Variants in KIAA1328 observed in about 807,000 individuals in gnomAD.
KIAA1328 encodes protein hinderin.
In KIAA1328, 52 loss-of-function variants were observed where a neutral mutation model predicts 68.1. The ratio of observed to expected loss-of-function variants is 0.76; its 90% confidence interval spans 0.61 to 0.96. The LOEUF is 0.96. Ranked by LOEUF, KIAA1328 falls within the 40% of genes least tolerant of loss-of-function variation. The pLI is 0.00. For synonymous variants in KIAA1328, 232 were observed against 239.4 expected (o/e 0.97, Z 0.28); for missense variants, 641 against 677.6 (o/e 0.95, Z 0.60).
At position 36,997,554 on chromosome 18, in the gene KIAA1328, G is replaced by A. The variant is rs564640349; in HGVS notation, c.576+38119G>A. Among the ~76,000 whole-genome samples the A allele has an allele frequency of 1.6e-4, 24 of 152,270 alleles. No homozygotes were observed. The South Asian group carries it at 3.1e-3, about 20-fold the overall frequency. On this transcript the variant is annotated intron_variant, in intron 6 of 9. Coordinates refer to ENST00000280020, the MANE Select transcript of KIAA1328 (RefSeq NM_020776.3). ...CATGGGTTGGGACTGCTTTAGGGAGGCAGCTTGCACTGGGTCCCACACCCT... is the reference window on the plus strand; with the variant it reads ...CATGGGTTGGGACTGCTTTAGGGAGACAGCTTGCACTGGGTCCCACACCCT...
At chr18:36,897,876 AGC>A (rs552299921) in intron 5 of KIAA1328, among the ~76,000 whole-genome samples, 17 of 152,236 alleles carry the variant, frequency 1.1e-4, no homozygotes, top group African/African-American at 4.1e-4. Context: ...TTGCTAAGGC[AGC>A]TTTTTCCCCC....
intron 1 of KIAA1328, chr18:36,834,102 C>A (rs1408484101): frequency 2.7e-6 from 2 of 732,786 alleles, no homozygotes; most frequent in Non-Finnish European, 3.8e-6. Context: ...TAAAGGTGAA[C>A]TTTTAGAGAA....
chr18:37,147,482 G>T (rs1348589317), intron 7 of KIAA1328, among the ~76,000 whole-genome samples: 1 of 151,864 alleles, frequency 6.6e-6, no homozygotes, highest in Non-Finnish European at 1.5e-5. Flanking sequence ...GTTGGTTTTT[G>T]CCCACATCTG....
At chr18:36,918,029 TC>T (rs1225034025) in intron 5 of KIAA1328, among the ~76,000 whole-genome samples, 1 of 152,134 alleles carries the variant, frequency 6.6e-6, no homozygotes, top group Non-Finnish European at 1.5e-5. Flanking sequence ...TAAGTTGTTT[TC>T]TATGGGAGGA....
rs1338077878 is a variant in KIAA1328 at position 36,997,688 on chromosome 18, T to C, written c.576+38253T>C. 2.0e-5 allele frequency among the ~76,000 whole-genome samples: 3 copies of C among 152,270 alleles called. No individual in the cohort carries two copies. In the East Asian group the frequency reaches 5.8e-4, roughly 30 times the overall value. On this transcript the variant is annotated intron_variant, in intron 6 of 9. Coordinates refer to ENST00000280020, the MANE Select transcript of KIAA1328 (RefSeq NM_020776.3). Reference sequence around the variant, plus strand: ...ACCAGGACCAAGGTGTTAGGGAAACTCAGGCTGTTGCTACTGAGACTCGGG... The same window carrying C: ...ACCAGGACCAAGGTGTTAGGGAAACCCAGGCTGTTGCTACTGAGACTCGGG...
At chr18:36,909,966 T>A (rs1667130106) in intron 5 of KIAA1328, among the ~76,000 whole-genome samples, 1 of 152,204 alleles carries the variant, frequency 6.6e-6, no homozygotes, top group Non-Finnish European at 1.5e-5. Context: ...CTTCACCCAC[T>A]TTTTGATGGG....
intron 5 of KIAA1328, among the ~76,000 whole-genome samples, chr18:36,904,434 T>C (rs2049145932): frequency 6.6e-6 from 1 of 152,112 alleles, no homozygotes; most frequent in Non-Finnish European, 1.5e-5. Flanking sequence ...TTGAGATTAT[T>C]ATCTTCTCCT....
chr18:36,834,397 C>T (rs768374864), intron 2 of KIAA1328, 42 bp downstream of exon 2: 1 of 1,498,552 alleles, frequency 6.7e-7, no homozygotes, highest in East Asian at 2.4e-5. Context: ...TTACTTTGGT[C>T]CTTAAATGTT....
At chr18:37,230,940 T>A (rs1396992046), downstream of KIAA1328, 1 of 152,220 alleles carries the variant, frequency 6.6e-6, no homozygotes, top group Non-Finnish European at 1.5e-5. Flanking sequence ...ACTGTCAGCA[T>A]CTTGCCCCTC....
intron 9 of KIAA1328, among the ~76,000 whole-genome samples, chr18:37,190,064 A>G (rs2059876666): frequency 6.6e-6 from 1 of 152,140 alleles, no homozygotes; most frequent in Non-Finnish European, 1.5e-5. Context: ...ACTCTTCCTT[A>G]TGTTCGCCAT....
At chr18:37,113,357 C>A (rs1344404232) in intron 7 of KIAA1328, among the ~76,000 whole-genome samples, 3 of 152,168 alleles carry the variant, frequency 2.0e-5, no homozygotes, top group African/African-American at 2.4e-5. Flanking sequence ...CAATATTCAA[C>A]AAACTTAAAG....
chr18:36,994,124 T>G (rs1442696983), intron 6 of KIAA1328, among the ~76,000 whole-genome samples: 2 of 152,162 alleles, frequency 1.3e-5, no homozygotes. Flanking sequence ...GTAGTTTAAT[T>G]AAAATTAACC....
intron 9 of KIAA1328, among the ~76,000 whole-genome samples, chr18:37,189,202 A>G (rs944576674): frequency 6.6e-5 from 10 of 152,346 alleles, no homozygotes; most frequent in South Asian, 2.1e-4. Flanking sequence ...TGATTGTAAC[A>G]CAAGATATCC....
At chr18:37,025,736 A>G (rs978210302) in intron 6 of KIAA1328, among the ~76,000 whole-genome samples, 1 of 152,206 alleles carries the variant, frequency 6.6e-6, no homozygotes, top group African/African-American at 2.4e-5. Context: ...GTGTAGAGGG[A>G]AATTTATAGC....
At chr18:36,984,643 C>G (rs1167106664) in intron 6 of KIAA1328, among the ~76,000 whole-genome samples, 1 of 152,160 alleles carries the variant, frequency 6.6e-6, no homozygotes, top group Non-Finnish European at 1.5e-5. Context: ...GTGGCTCATT[C>G]ATGCCTGTAA....
chr18:37,057,656 C>T (rs562726772), intron 6 of KIAA1328, among the ~76,000 whole-genome samples: 12 of 151,444 alleles, frequency 7.9e-5, no homozygotes, highest in South Asian at 2.1e-4. Context: ...AGGATGGTCT[C>T]GATCTCCTGA....
intron 7 of KIAA1328, among the ~76,000 whole-genome samples, chr18:37,112,976 AT>A (rs2151907911): frequency 6.6e-6 from 1 of 152,292 alleles, no homozygotes; most frequent in African/African-American, 2.4e-5. Flanking sequence ...GTAAAAAGAA[AT>A]GAAAAAAGCC....
chr18:37,173,301 C>G (rs2059536704), intron 9 of KIAA1328, among the ~76,000 whole-genome samples: 4 of 152,130 alleles, frequency 2.6e-5, no homozygotes, highest in African/African-American at 7.2e-5. Context: ...GTAAGGGCTT[C>G]CATAGAAACC....
At chr18:36,904,971 A>G (rs186689155) in intron 5 of KIAA1328, among the ~76,000 whole-genome samples, 37 of 152,152 alleles carry the variant, frequency 2.4e-4, no homozygotes, top group African/African-American at 8.7e-4. Flanking sequence ...ACTTTATGAT[A>G]GTATAATACT....
Sources: gnomAD v4.1 joint callset for allele counts (sites outside exome capture counted in the v4.1 genomes callset) on GRCh38, gnomAD v4.1.1 for gene constraint, MANE v1.5 for transcripts, NCBI Gene and HGNC (gene_info 2026-07-23, HGNC 2026-07-21) for gene names.